The following ABCA10 variants were observed in gnomAD, a reference collection of about 807,000 sequenced individuals.
ABCA10 encodes the protein ATP-binding cassette sub-family A member 10.
A neutral mutation model predicts 187.5 loss-of-function variants in ABCA10; 169 were observed. The ratio of observed to expected loss-of-function variants is 0.90; its 90% CI spans 0.80 to 1.02. ABCA10 has a LOEUF of 1.02. ABCA10 is among the 50% of genes least tolerant of loss of function. ABCA10 has a pLI of 0.00. For synonymous variants in ABCA10, 574 were observed against 601.8 expected (o/e 0.95, Z 0.68); for missense variants, 1,727 against 1,812.4 (o/e 0.95, Z 0.86).
At chr17:69,233,871 G>A (rs1249212321) in intron 1 of ABCA10, 2 of 152,342 alleles carry the variant, frequency 1.3e-5, no homozygotes, top group East Asian at 1.9e-4. Flanking sequence ...AGCCCAGATA[G>A]ACCTGGGGAA....
intron 5 of ABCA10, among the ~76,000 whole-genome samples, chr17:69,220,041 T>C (rs1169005982): frequency 6.6e-6 from 1 of 152,216 alleles, no homozygotes; most frequent in African/African-American, 2.4e-5. Context: ...CACTCTTCAT[T>C]CTCATAGAGA....
chr17:69,199,760 G>A lies in ABCA10; in HGVS notation c.1175+1740C>T, dbSNP rs142937804. Among the ~76,000 whole-genome samples, 66 of 152,282 alleles carry A rather than the reference G, an allele frequency of 4.3e-4. 1 individual carries two copies. The East Asian group carries it at 0.012, about 28-fold the overall frequency. On this transcript the variant is annotated intron_variant, in intron 10 of 38. Coordinates refer to ENST00000690296, the MANE Select transcript of ABCA10 (RefSeq NM_001377321.1). The stretch of plus-strand genomic sequence containing the variant: ...TGATCCTGGGCATTTATTGAACCAT[G>A]TCCTAAAAGACGAGCTTTCGGCCTG...
rs752922292 is a variant in ABCA10, at chr17:69,175,455, G to A, written c.2828C>T (p.Thr943Ile). 10 of 1,612,306 alleles carry A rather than the reference G, an allele frequency of 6.2e-6. No homozygotes were observed. The South Asian group carries it at 1.1e-4, about 18-fold the overall frequency. The change falls in exon 23 of 39, where the codon ACA becomes ATA. Residue 943 changes from threonine (T) to isoleucine (I), a missense_variant. By Grantham distance (89) the Thr-to-Ile change is moderately conservative. Coordinates refer to ENST00000690296, the MANE Select transcript of ABCA10 (RefSeq NM_001377321.1). ...IDGSIFLLLI[T>I]NCVSPFIGMS... ...GCCGATAAAAGGAGAAACGCAGTTT[G>A]TGATCAACAACAAAAATATGGACCC... is the stretch of plus-strand genomic sequence containing the variant.
intron 27 of ABCA10, among the ~76,000 whole-genome samples, chr17:69,159,069 C>A (rs2074195818): frequency 6.6e-6 from 1 of 151,216 alleles, no homozygotes; most frequent in Non-Finnish European, 1.5e-5. Context: ...TTTTAAGAAA[C>A]AGCAAAAATT....
At chr17:69,230,068 T>C (rs556756605), upstream of ABCA10, among the ~76,000 whole-genome samples, 1 of 152,114 alleles carries the variant, frequency 6.6e-6, no homozygotes, top group Non-Finnish European at 1.5e-5. Flanking sequence ...CCCTCATAAA[T>C]GGATTAACAC....
chr17:69,155,003 G>T lies in ABCA10; in HGVS notation c.3694+16C>A. On this transcript the variant is annotated intron_variant, in intron 30 of 38. Coordinates refer to ENST00000690296, the MANE Select transcript of ABCA10 (RefSeq NM_001377321.1). ...AGGAACATTATAATAATAATAAAAG[G>T]AACAATTGTTCAAACCTTTTTTAAC... 6.6e-7 allele frequency: 1 copy of T among 1,516,848 alleles called. No individual in the cohort carries two copies. The highest frequency in any genetic ancestry group is 1.2e-5 in the South Asian group (1 of 86,306). 94.0% of individuals were successfully genotyped at this position (1,516,848 alleles called of 1,614,324 possible).
In ABCA10 at chr17:69,153,406, T is replaced by C. The variant is rs199521991; in HGVS notation, c.4042-7A>G. ...TGCTCAGCACAAAGCACAGCTGCAA[T>C]GCAAGGAACAGCCCGTCGGCACCCA... On this transcript the variant is annotated splice_region_variant and splice_polypyrimidine_tract_variant and intron_variant, in intron 33 of 38. Coordinates refer to ENST00000690296, the MANE Select transcript of ABCA10 (RefSeq NM_001377321.1). 1.2e-4 allele frequency: 198 copies of C among 1,613,588 alleles called. 1 individual carries two copies. The African/African-American group carries it at 2.2e-3, about 18-fold the overall frequency.
intron 1 of ABCA10, 79 bp from the exon 2 acceptor site, chr17:69,227,364 C>T (rs932182046): frequency 9.9e-5 from 15 of 150,994 alleles, no homozygotes; most frequent in African/African-American, 3.4e-4. Context: ...TCAGATGTGC[C>T]AACTAAATGC....
chr17:69,163,931 G>T, intron 27 of ABCA10, 143 bp downstream of exon 27: 1 of 556,560 alleles, frequency 1.8e-6, no homozygotes, highest in Non-Finnish European at 3.0e-6. Context: ...AATATCTTTA[G>T]TTCTTGCTGC....
Position 69,197,080 on chromosome 17 carries a change from T to G in ABCA10, c.1218A>C (p.Lys406Asn). Residue 406 changes from lysine (K) to asparagine (N), a missense_variant, in exon 11 of 39, where the codon AAA becomes AAC. Transcript: ENST00000690296. Reference sequence around the variant, plus strand: ...TCTTTTTACCTTGCAATGCTTCTACTTTTCCAGTCTTTCCATTATATTCTT... The same window carrying G: ...TCTTTTTACCTTGCAATGCTTCTACGTTTCCAGTCTTTCCATTATATTCTT... Reference protein sequence around the residue: ...VIKEYNGKTGKVEALQGIFFD... With the variant: ...VIKEYNGKTGNVEALQGIFFD... 6.3e-7 allele frequency: 1 copy of G among 1,593,156 alleles called. No homozygotes were observed. The highest frequency in any genetic ancestry group is 8.6e-7 in the Non-Finnish European group (1 of 1,166,060).
At position 69,235,782 on chromosome 17, in the gene ABCA10, G is replaced by C. The variant is rs1034878; in HGVS notation, c.-592-6922C>G. On this transcript the variant is annotated intron_variant, in intron 1 of 39. Transcript: ENST00000269081. ...CATGGTTACTGAGATTTAAAAAAAAGAAAACAAAAAAAACAAAAACAAAAC... is the reference window on the plus strand; with the variant it reads ...CATGGTTACTGAGATTTAAAAAAAACAAAACAAAAAAAACAAAAACAAAAC... Among the ~76,000 whole-genome samples the C allele has an allele frequency of 8.8e-4, 133 of 150,882 alleles. 1 individual carries two copies. Among genetic ancestry groups the C allele is most frequent in the African/African-American group, 3.1e-3 (128 of 41,242 alleles).
chr17:69,169,249 C>T (rs1163231427), intron 25 of ABCA10, among the ~76,000 whole-genome samples: 6 of 152,206 alleles, frequency 3.9e-5, no homozygotes, highest in Admixed American at 3.9e-4. Context: ...GGCTATCTAA[C>T]TCTAGAGCCA....
chr17:69,209,375 C>T (rs2074618461), intron 9 of ABCA10, among the ~76,000 whole-genome samples: 1 of 152,066 alleles, frequency 6.6e-6, no homozygotes, highest in South Asian at 2.1e-4. Context: ...ATTTTGAAGC[C>T]AATTTGCCAC....
At chr17:69,195,789 C>T (rs1011390583) in intron 11 of ABCA10, among the ~76,000 whole-genome samples, 1 of 151,812 alleles carries the variant, frequency 6.6e-6, no homozygotes, top group African/African-American at 2.4e-5. Flanking sequence ...CTTCAAGCAT[C>T]TGTTTAACAA....
At chr17:69,176,420 T>A (rs1433798906) in intron 22 of ABCA10, among the ~76,000 whole-genome samples, 2 of 151,830 alleles carry the variant, frequency 1.3e-5, no homozygotes, top group Non-Finnish European at 2.9e-5. Flanking sequence ...ACAAAAAAAA[T>A]CTAAAGAAAA....
intron 36 of ABCA10, among the ~76,000 whole-genome samples, chr17:69,150,905 T>A (rs1457398792): frequency 6.6e-6 from 1 of 152,190 alleles, no homozygotes; most frequent in Non-Finnish European, 1.5e-5. Flanking sequence ...ATGGTTGTGG[T>A]GGTACTGTCC....
In ABCA10 at chr17:69,148,422, T is replaced by G. The variant is rs536751261; in HGVS notation, c.*405A>C. 6.1e-6 allele frequency: 1 copy of G among 162,706 alleles called. No homozygotes were observed. The highest frequency in any genetic ancestry group is 1.3e-5 in the Non-Finnish European group (1 of 74,858). 10.1% of individuals were successfully genotyped at this position (162,706 alleles called of 1,614,324 possible). ...AGACCTTCTTATAGTCAATGTCACA[T>G]TAAATTAGAATCCGAGTAAATAATG... On this transcript the variant is annotated 3_prime_UTR_variant, in exon 39 of 39. Coordinates refer to ENST00000690296, the MANE Select transcript of ABCA10 (RefSeq NM_001377321.1).
At chr17:69,187,563 T>A in intron 19 of ABCA10, 118 bp downstream of exon 19, 1 of 1,085,332 alleles carries the variant, frequency 9.2e-7, no homozygotes, top group East Asian at 2.7e-5. Flanking sequence ...AACAGCAGGA[T>A]AGGTAAACAT....
chr17:69,164,049 T>C (rs770301025), intron 27 of ABCA10, 25 bp downstream of exon 27: 10 of 1,503,232 alleles, frequency 6.7e-6, no homozygotes, highest in Non-Finnish European at 8.9e-6. Context: ...GCAATATATA[T>C]ATTTAGGTAG....
Sources: gnomAD v4.1 joint callset for allele counts (sites outside exome capture counted in the v4.1 genomes callset) on GRCh38, gnomAD v4.1.1 for gene constraint, MANE v1.5 for transcripts, NCBI Gene and HGNC (gene_info 2026-07-23, HGNC 2026-07-21) for gene names.